The following MLIP variants were observed in gnomAD, a reference collection of about 807,000 sequenced individuals.
MLIP encodes muscular LMNA interacting protein, also known as muscular LMNA-interacting protein.
MLIP carries 79 observed loss-of-function variants against 84.8 expected under a neutral mutation model. The observed-to-expected ratio is 0.93, with a 90% CI of 0.78 to 1.12. MLIP has a LOEUF of 1.12. MLIP is among the 50% of genes most tolerant of loss of function. MLIP has a pLI of 0.00. For synonymous variants in MLIP, 504 were observed against 463.0 expected (o/e 1.09, Z -1.14); for missense variants, 1,257 against 1,160.6 (o/e 1.08, Z -1.21).
intron 1 of MLIP, among the ~76,000 whole-genome samples, chr6:54,104,825 T>C (rs1400212080): frequency 5.3e-5 from 8 of 152,226 alleles, no homozygotes; most frequent in East Asian, 1.9e-4. Flanking sequence ...GTGAGTGGGA[T>C]GACAGTGTGC....
chr6:54,070,469 A>T (rs1281080659), intron 1 of MLIP, among the ~76,000 whole-genome samples: 1 of 152,164 alleles, frequency 6.6e-6, no homozygotes, highest in Non-Finnish European at 1.5e-5. Flanking sequence ...TAGCTAATGT[A>T]ATGTGCCTCT....
chr6:54,113,936 C>A (rs1246350290), intron 1 of MLIP, among the ~76,000 whole-genome samples: 2 of 152,122 alleles, frequency 1.3e-5, no homozygotes, highest in African/African-American at 4.8e-5. Context: ...CACATCCTGC[C>A]AAAACCAGCA....
At chr6:54,188,418 C>T (rs1777602255) in intron 9 of MLIP, among the ~76,000 whole-genome samples, 1 of 151,998 alleles carries the variant, frequency 6.6e-6, no homozygotes, top group South Asian at 2.1e-4. Flanking sequence ...ATTTTTTACA[C>T]TCTTATTCTA....
At chr6:54,073,483 G>A (rs139660129) in intron 1 of MLIP, among the ~76,000 whole-genome samples, 6 of 151,866 alleles carry the variant, frequency 4.0e-5, no homozygotes, top group Admixed American at 2.0e-4. Flanking sequence ...ACTTTTTTTC[G>A]GTTAGTCCTA....
chr6:54,265,937 T>C lies in MLIP; in HGVS notation c.2977-13T>C. ...TCATCTTAACCTGACTACCATATTC[T>C]CTTATTTTACAGCAATGAAGTTGGA... On this transcript the variant is annotated splice_polypyrimidine_tract_variant and intron_variant, in intron 13 of 13. Coordinates refer to ENST00000502396, the MANE Select transcript of MLIP (RefSeq NM_001281747.2). The C allele has an allele frequency of 6.2e-7, 1 of 1,610,648 alleles. No individual in the cohort carries two copies. The highest frequency in any genetic ancestry group is 1.1e-5 in the South Asian group (1 of 90,836).
chr6:54,194,079 A>C lies in MLIP; in HGVS notation c.2589+4165A>C, dbSNP rs114402447. ...AAACAATAGATTTTAAAAATAAGTC[A>C]CATGGCTATATACAGGTAAAAGCAA... On this transcript the variant is annotated intron_variant, in intron 10 of 13. Transcript: ENST00000502396. 6.1e-3 allele frequency among the ~76,000 whole-genome samples: 932 copies of C among 152,302 alleles called. 13 individuals carry two copies. The highest frequency in any genetic ancestry group is 0.021 in the African/African-American group (882 of 41,556).
chr6:54,224,802 T>C (rs1780467223), intron 11 of MLIP, among the ~76,000 whole-genome samples: 1 of 152,062 alleles, frequency 6.6e-6, no homozygotes, highest in Non-Finnish European at 1.5e-5. Context: ...TCCTCATAGC[T>C]TAGCTCCCAC....
chr6:54,031,381 C>T (rs1764126229), intron 1 of MLIP: 1 of 152,146 alleles, frequency 6.6e-6, no homozygotes, highest in African/African-American at 2.4e-5. Flanking sequence ...TCTGCCTGTA[C>T]CACCTTGGCT....
intron 1 of MLIP, among the ~76,000 whole-genome samples, chr6:54,037,472 A>G (rs1341813507): frequency 6.6e-6 from 1 of 151,742 alleles, no homozygotes; most frequent in African/African-American, 2.4e-5. Context: ...AGGGAGAAAG[A>G]GAGAGAGAGA....
intron 12 of MLIP, among the ~76,000 whole-genome samples, chr6:54,250,882 T>A (rs558247798): frequency 8.5e-5 from 13 of 152,084 alleles, no homozygotes; most frequent in Non-Finnish European, 1.5e-4. Flanking sequence ...ATTCATCTAT[T>A]ATGAACCCTG....
chr6:54,249,155 G>A (rs896361781), intron 12 of MLIP, among the ~76,000 whole-genome samples: 1 of 152,030 alleles, frequency 6.6e-6, no homozygotes, highest in Admixed American at 6.6e-5. Flanking sequence ...TCAATCAATA[G>A]ATTTTTTTGC....
chr6:54,034,664 CA>C (rs1764326927), intron 1 of MLIP, among the ~76,000 whole-genome samples: 1 of 151,694 alleles, frequency 6.6e-6, no homozygotes, highest in Non-Finnish European at 1.5e-5. Flanking sequence ...TTACAAAAGT[CA>C]AAAAGTTAAA....
intron 11 of MLIP, among the ~76,000 whole-genome samples, chr6:54,222,824 A>G (rs1780307697): frequency 6.6e-6 from 1 of 151,978 alleles, no homozygotes; most frequent in Non-Finnish European, 1.5e-5. Context: ...CTTACCAATT[A>G]ACATTCCCAC....
chr6:54,210,561 G>C (rs1218773567), intron 11 of MLIP, among the ~76,000 whole-genome samples: 1 of 151,694 alleles, frequency 6.6e-6, no homozygotes, highest in Non-Finnish European at 1.5e-5. Context: ...GGAAATACCA[G>C]CTTCCCCTTG....
chr6:54,059,013 T>C (rs574724038), intron 1 of MLIP: 1 of 152,242 alleles, frequency 6.6e-6, no homozygotes, highest in East Asian at 1.9e-4. Context: ...AAAAGTAAAT[T>C]CTACAAGTCT....
At chr6:54,024,232 G>C (rs945235213) in intron 1 of MLIP, among the ~76,000 whole-genome samples, 1 of 151,574 alleles carries the variant, frequency 6.6e-6, no homozygotes, top group Non-Finnish European at 1.5e-5. Context: ...GGCTAGTTTC[G>C]AACTCCTGAC....
chr6:54,165,871 T>C (rs993724693), intron 8 of MLIP, among the ~76,000 whole-genome samples: 1 of 151,872 alleles, frequency 6.6e-6, no homozygotes, highest in Non-Finnish European at 1.5e-5. Context: ...ATGGGGACCT[T>C]ATGAATGGGA....
At chr6:54,052,673 A>G (rs1765440120) in intron 1 of MLIP, among the ~76,000 whole-genome samples, 1 of 152,140 alleles carries the variant, frequency 6.6e-6, no homozygotes, top group Non-Finnish European at 1.5e-5. Flanking sequence ...CTCTTCTTTC[A>G]CTGTTTTTTT....
intron 8 of MLIP, among the ~76,000 whole-genome samples, chr6:54,166,417 C>A (rs931697168): frequency 1.3e-5 from 2 of 151,862 alleles, no homozygotes; most frequent in Admixed American, 6.6e-5. Flanking sequence ...CACCAAAACC[C>A]CTTTTTCCAA....
Sources: gnomAD v4.1 joint callset for allele counts (sites outside exome capture counted in the v4.1 genomes callset) on GRCh38, gnomAD v4.1.1 for gene constraint, MANE v1.5 for transcripts, NCBI Gene and HGNC (gene_info 2026-07-23, HGNC 2026-07-21) for gene names.